SCML4: variants seen among roughly 807,000 people sequenced by gnomAD.
SCML4 encodes the protein sex comb on midleg-like protein 4.
Under a neutral mutation model 41.1 loss-of-function variants are expected in SCML4, and 34 were observed. That is an observed-to-expected ratio of 0.83 (90% CI 0.63 to 1.10). The LOEUF (loss-of-function observed/expected upper bound fraction) is 1.10. SCML4 is among the 50% of genes least tolerant of loss of function. The pLI is 0.00. For synonymous variants in SCML4, 214 were observed against 220.9 expected (o/e 0.97, Z 0.28); for missense variants, 522 against 534.1 (o/e 0.98, Z 0.22).
chr6:107,786,732 A>G (rs190264765), intron 1 of SCML4, among the ~76,000 whole-genome samples: 48 of 152,286 alleles, frequency 3.2e-4, no homozygotes, highest in African/African-American at 1.1e-3. Context: ...CCTATTCCTT[A>G]GCACTGAGGC....
chr6:107,771,386 T>C (rs1780505597), intron 2 of SCML4, among the ~76,000 whole-genome samples: 1 of 151,906 alleles, frequency 6.6e-6, no homozygotes, highest in South Asian at 2.1e-4. Context: ...TGAAGCTCAT[T>C]TTCTAATGCC....
chr6:107,758,095 CA>C (rs1779254206), intron 2 of SCML4, among the ~76,000 whole-genome samples: 1 of 152,194 alleles, frequency 6.6e-6, no homozygotes, highest in Non-Finnish European at 1.5e-5. Context: ...ATTTATTCAA[CA>C]AAAACTTCTT....
chr6:107,782,619 G>GT (rs766730604), intron 1 of SCML4, among the ~76,000 whole-genome samples: 1 of 151,994 alleles, frequency 6.6e-6, no homozygotes, highest in Non-Finnish European at 1.5e-5. Flanking sequence ...TCAGCTGCTG[G>GT]ATAAGTTTGC....
intron 6 of SCML4, among the ~76,000 whole-genome samples, chr6:107,712,369 T>C (rs941821143): frequency 1.3e-5 from 2 of 152,182 alleles, no homozygotes; most frequent in Non-Finnish European, 2.9e-5. Flanking sequence ...CTAGAGTCCT[T>C]TGAGCTAGGT....
chr6:107,720,749 G>A lies in SCML4; in HGVS notation c.927C>T (p.Ala309=). The A allele has an allele frequency of 6.2e-7, 1 of 1,602,468 alleles. No homozygotes were observed. The highest frequency in any genetic ancestry group is 1.7e-4 in the Middle Eastern group (1 of 5,974). The part of the protein sequence containing the change: ...GPSAPGLRPP[A]SSPKRNTTSL... ...AGGTCGTGTTTCTCTTGGGGCTGGA[G>A]GCTGGAGGCCTCAGCCCAGGTGCCG... is the stretch of plus-strand genomic sequence containing the variant. Residue 309 remains alanine (A), a synonymous_variant, in exon 6 of 8, where the codon GCC becomes GCT. Transcript: ENST00000369020.
chr6:107,781,319 A>C (rs1051677841), intron 1 of SCML4, among the ~76,000 whole-genome samples: 2 of 152,200 alleles, frequency 1.3e-5, no homozygotes, highest in East Asian at 1.9e-4. Context: ...CTGGCTAGTC[A>C]ATCTCAGTCG....
At chr6:107,707,035 C>T (rs1279200276) in intron 7 of SCML4, among the ~76,000 whole-genome samples, 2 of 152,070 alleles carry the variant, frequency 1.3e-5, no homozygotes, top group Non-Finnish European at 2.9e-5. Flanking sequence ...TGTTACAGCA[C>T]AATATAAAAT....
intron 1 of SCML4, among the ~76,000 whole-genome samples, chr6:107,802,634 G>GGAAGGAAA (rs1368337328): frequency 1.6e-4 from 18 of 115,408 alleles, no homozygotes; most frequent in African/African-American, 6.3e-4. Flanking sequence ...AAGGAAGGAA[G>GGAAGGAAA]GAAAGAAAAT....
At chr6:107,844,606 G>A in the SCML4 span, among the ~76,000 whole-genome samples, 1 of 152,162 alleles carries the variant, frequency 6.6e-6, no homozygotes, top group African/African-American at 2.4e-5. Context: ...GGCTGAGGCA[G>A]GAGGATCACT....
At chr6:107,834,637 C>T in the SCML4 span, among the ~76,000 whole-genome samples, 1 of 152,282 alleles carries the variant, frequency 6.6e-6, no homozygotes, top group African/African-American at 2.4e-5. Flanking sequence ...AGACCAAAAC[C>T]AACAAACAGG....
the SCML4 span, among the ~76,000 whole-genome samples, chr6:107,842,000 T>C: frequency 3.9e-5 from 6 of 152,312 alleles, no homozygotes; most frequent in East Asian, 7.7e-4. Flanking sequence ...TAGTTTCTTA[T>C]GGTAGGAGCT....
At chr6:107,708,118 A>T in intron 6 of SCML4, 107 bp from the exon 7 acceptor site, 1 of 1,342,404 alleles carries the variant, frequency 7.4e-7, no homozygotes, top group Non-Finnish European at 1.0e-6. Flanking sequence ...CTCAGTGCCC[A>T]TGAGTCCAAG....
At chr6:107,759,132 CAAAAAAAAAAAA>C (rs60124415) in intron 2 of SCML4, among the ~76,000 whole-genome samples, 1 of 88,220 alleles carries the variant, frequency 1.1e-5, no homozygotes, top group African/African-American at 4.5e-5. Context: ...ACAAAAAATA[CAAAAAAAAAAAA>C]AAAAAAAAAA....
chr6:107,835,763 C>CAAAA, the SCML4 span, among the ~76,000 whole-genome samples: 29 of 86,030 alleles, frequency 3.4e-4, no homozygotes, highest in South Asian at 4.6e-4. Context: ...GACCCCATCT[C>CAAAA]AAAAAAAAAA....
Position 107,813,417 on chromosome 6 carries a change from TATATATAAAA to T in SCML4, c.-60+10699_-60+10708del, listed in dbSNP as rs1260985041. 5.1e-3 allele frequency among the ~76,000 whole-genome samples: 96 copies of T among 18,904 alleles called. 5 individuals carry two copies. The highest frequency in any genetic ancestry group is 1.0e-2 in the Non-Finnish European group (79 of 7,906). 12.4% of individuals were successfully genotyped at this position (18,904 alleles called of 152,430 possible). A position where few individuals can be genotyped will look rare whatever the true frequency, so the allele number is the denominator to read the frequency against. On this transcript the variant is annotated intron_variant, in intron 1 of 7. Coordinates refer to ENST00000369020, the MANE Select transcript of SCML4 (RefSeq NM_198081.5). ...ATATATATATATATATATATATATA[TATATATAAAA>T]CTGTAAAATTAAATACATATTAAAA...
intron 5 of SCML4, among the ~76,000 whole-genome samples, chr6:107,736,070 A>C (rs1395954605): frequency 2.0e-5 from 3 of 152,210 alleles, no homozygotes; most frequent in East Asian, 3.9e-4. Context: ...GAAATGAGGA[A>C]GTTCCCTGGC....
At chr6:107,771,031 G>C (rs942313669) in intron 2 of SCML4, among the ~76,000 whole-genome samples, 1 of 152,176 alleles carries the variant, frequency 6.6e-6, no homozygotes, top group Non-Finnish European at 1.5e-5. Context: ...GGAGATTCTT[G>C]TTGTTAGAAG....
At chr6:107,816,876 T>G (rs1026731836) in intron 1 of SCML4, among the ~76,000 whole-genome samples, 1 of 152,226 alleles carries the variant, frequency 6.6e-6, no homozygotes, top group South Asian at 2.1e-4. Context: ...AGTGGCACCA[T>G]GGTTTCAGCA....
intron 2 of SCML4, among the ~76,000 whole-genome samples, chr6:107,752,685 T>C (rs1341845590): frequency 6.6e-6 from 1 of 151,986 alleles, no homozygotes; most frequent in Non-Finnish European, 1.5e-5. Context: ...AGACTAGGAG[T>C]GGCCATTAGA....
Sources: gnomAD v4.1 joint callset for allele counts (sites outside exome capture counted in the v4.1 genomes callset) on GRCh38, gnomAD v4.1.1 for gene constraint, MANE v1.5 for transcripts, NCBI Gene and HGNC (gene_info 2026-07-23, HGNC 2026-07-21) for gene names.